The following CNTNAP2 variants were observed in gnomAD, a reference collection of about 807,000 sequenced individuals.
The protein encoded by CNTNAP2 is contactin-associated protein-like 2.
In CNTNAP2, 98 loss-of-function variants were observed where a neutral mutation model predicts 155.2. The observed-to-expected ratio is 0.63, with a 90% confidence interval of 0.54 to 0.75. CNTNAP2 has a LOEUF of 0.75. CNTNAP2 is among the 30% of genes least tolerant of loss of function. The pLI is 0.00. For missense variants in CNTNAP2, 1,727 were observed against 1,688.1 expected (o/e 1.02, Z -0.40); for synonymous variants, 651 against 631.2 (o/e 1.03, Z -0.47).
At chr7:148,261,476 G>T (rs1240715019) in intron 20 of CNTNAP2, among the ~76,000 whole-genome samples, 1 of 152,154 alleles carries the variant, frequency 6.6e-6, no homozygotes, top group Admixed American at 6.5e-5. Flanking sequence ...TGTTTTTCAA[G>T]TGCCTTTAGC....
At chr7:146,254,034 C>T (rs1444691213) in intron 1 of CNTNAP2, among the ~76,000 whole-genome samples, 3 of 151,844 alleles carry the variant, frequency 2.0e-5, no homozygotes, top group Admixed American at 2.0e-4. Flanking sequence ...TGAACTCCAG[C>T]CTGGGTGACA....
chr7:148,349,407 CT>C (rs1269143446), intron 21 of CNTNAP2, among the ~76,000 whole-genome samples: 31 of 143,280 alleles, frequency 2.2e-4, no homozygotes, highest in African/African-American at 7.8e-4. Context: ...AAAAATCTCT[CT>C]TTTTTTTTTT....
intron 3 of CNTNAP2, among the ~76,000 whole-genome samples, chr7:147,030,906 T>G (rs1460728419): frequency 2.6e-5 from 4 of 152,164 alleles, no homozygotes; most frequent in African/African-American, 9.7e-5. Flanking sequence ...TAATAGATAT[T>G]TTTAATTCTC....
intron 15 of CNTNAP2, among the ~76,000 whole-genome samples, chr7:148,036,276 G>A (rs191087436): frequency 4.6e-5 from 7 of 152,244 alleles, no homozygotes; most frequent in South Asian, 2.1e-4. Flanking sequence ...GGTGGACCAG[G>A]GATGAAATGC....
At chr7:148,265,520 A>G (rs1439764330) in intron 20 of CNTNAP2, among the ~76,000 whole-genome samples, 1 of 152,060 alleles carries the variant, frequency 6.6e-6, no homozygotes, top group Non-Finnish European at 1.5e-5. Flanking sequence ...AGAGATCCAC[A>G]AGCTTCAGCC....
At chr7:146,251,634 A>C (rs1254496249) in intron 1 of CNTNAP2, among the ~76,000 whole-genome samples, 1 of 152,056 alleles carries the variant, frequency 6.6e-6, no homozygotes, top group African/African-American at 2.4e-5. Flanking sequence ...TTCAACTTTG[A>C]AAAATGGGGT....
intron 15 of CNTNAP2, among the ~76,000 whole-genome samples, chr7:148,024,867 A>G (rs569844379): frequency 8.5e-5 from 13 of 152,256 alleles, no homozygotes; most frequent in African/African-American, 3.1e-4. Context: ...CAAGGACTGA[A>G]CTTCATGTCT....
chr7:148,041,054 T>C (rs1166331189), intron 15 of CNTNAP2, among the ~76,000 whole-genome samples: 1 of 152,210 alleles, frequency 6.6e-6, no homozygotes, highest in Non-Finnish European at 1.5e-5. Flanking sequence ...TAAACAAAGC[T>C]TCTGTGAAAG....
intron 3 of CNTNAP2, among the ~76,000 whole-genome samples, chr7:146,882,022 T>C (rs1187793583): frequency 6.6e-6 from 1 of 152,092 alleles, no homozygotes. Context: ...TGTCCATTTG[T>C]ACCCAATGTT....
intron 1 of CNTNAP2, among the ~76,000 whole-genome samples, chr7:146,237,032 T>C (rs566036860): frequency 4.7e-4 from 71 of 152,030 alleles, no homozygotes; most frequent in Admixed American, 7.9e-4. Context: ...AGTACTAACG[T>C]TGATATTTAG....
chr7:147,850,065 G>C (rs1798900466), intron 13 of CNTNAP2: 1 of 152,204 alleles, frequency 6.6e-6, no homozygotes, highest in Non-Finnish European at 1.5e-5. Flanking sequence ...TTTCTGGAAA[G>C]AGGCAACATT....
At chr7:146,795,995 AC>A (rs1205436998) in intron 2 of CNTNAP2, among the ~76,000 whole-genome samples, 1 of 152,244 alleles carries the variant, frequency 6.6e-6, no homozygotes, top group East Asian at 1.9e-4. Flanking sequence ...TCAAGTAAAT[AC>A]ACATGAAAGA....
chr7:146,655,689 C>A (rs914393976), intron 1 of CNTNAP2, among the ~76,000 whole-genome samples: 1 of 151,982 alleles, frequency 6.6e-6, no homozygotes, highest in East Asian at 1.9e-4. Flanking sequence ...TAATATAGTA[C>A]AACAGGTGTT....
At chr7:148,040,430 T>G (rs1405993458) in intron 15 of CNTNAP2, among the ~76,000 whole-genome samples, 4 of 152,186 alleles carry the variant, frequency 2.6e-5, no homozygotes, top group Non-Finnish European at 5.9e-5. Flanking sequence ...ACACGTTGAC[T>G]TAATTGCTCT....
intron 15 of CNTNAP2, among the ~76,000 whole-genome samples, chr7:148,034,687 C>A (rs779816779): frequency 2.0e-4 from 30 of 152,104 alleles, no homozygotes; most frequent in Non-Finnish European, 3.2e-4. Context: ...GTAGAAGTAG[C>A]TTTGGAACTG....
intron 1 of CNTNAP2, among the ~76,000 whole-genome samples, chr7:146,274,753 A>G (rs933286884): frequency 1.3e-5 from 2 of 150,524 alleles, no homozygotes; most frequent in African/African-American, 5.0e-5. Flanking sequence ...CTGAGTAAAT[A>G]TATAGAAAAC....
intron 21 of CNTNAP2, among the ~76,000 whole-genome samples, chr7:148,348,543 C>A (rs1305428352): frequency 6.6e-6 from 1 of 152,146 alleles, no homozygotes; most frequent in African/African-American, 2.4e-5. Context: ...AGAGGCCAGG[C>A]CCTCACGGAG....
chr7:146,439,191 A>C (rs548761643), intron 1 of CNTNAP2, among the ~76,000 whole-genome samples: 2 of 151,400 alleles, frequency 1.3e-5, no homozygotes, highest in Admixed American at 6.6e-5. Flanking sequence ...CCTTCCTTAT[A>C]TTTCCAGTGT....
intron 22 of CNTNAP2, among the ~76,000 whole-genome samples, chr7:148,402,172 ACT>A (rs1799600075): frequency 6.6e-6 from 1 of 152,116 alleles, no homozygotes; most frequent in Admixed American, 6.5e-5. Context: ...TCTTTTGGTC[ACT>A]GGATCTTGGA....
Sources: gnomAD v4.1 joint callset for allele counts (sites outside exome capture counted in the v4.1 genomes callset) on GRCh38, gnomAD v4.1.1 for gene constraint, MANE v1.5 for transcripts, NCBI Gene and HGNC (gene_info 2026-07-23, HGNC 2026-07-21) for gene names.